FDFT1: variants seen among roughly 807,000 people sequenced by gnomAD.
FDFT1 encodes the protein squalene synthase.
In FDFT1, 68 loss-of-function variants were observed where a neutral mutation model predicts 46.8. The ratio of observed to expected loss-of-function variants is 1.45; its 90% confidence interval spans 1.19 to 1.78. FDFT1 has a LOEUF of 1.78. Ranked by LOEUF, FDFT1 falls within the 40% of genes most tolerant of loss-of-function variation. FDFT1 has a pLI of 0.00. For missense variants in FDFT1, 928 were observed against 524.4 expected (o/e 1.77, Z -7.52); for synonymous variants, 351 against 185.1 (o/e 1.90, Z -7.28).
chr8:11,821,909 A>G (rs1362416945), intron 4 of FDFT1, 31 bp downstream of exon 4: 2 of 1,608,202 alleles, frequency 1.2e-6, no homozygotes, highest in Admixed American at 1.7e-5. Context: ...TCTGTGTGTG[A>G]TGTATTAGAC....
chr8:11,817,330 C>CT (rs1223161971), intron 3 of FDFT1, among the ~76,000 whole-genome samples: 1 of 152,136 alleles, frequency 6.6e-6, no homozygotes, highest in Non-Finnish European at 1.5e-5. Context: ...CTAAAATTCT[C>CT]TTTTTTTATT....
At chr8:11,797,797 C>G (rs1409451080), upstream of FDFT1, 3 of 152,232 alleles carry the variant, frequency 2.0e-5, no homozygotes, top group Non-Finnish European at 4.4e-5. Flanking sequence ...GAGCAGGAAG[C>G]CTATTCCAGG....
rs753612840 is a variant in FDFT1, at chr8:11,808,922, G to C, written c.197+31G>C. 2.5e-6 allele frequency: 4 copies of C among 1,605,714 alleles called. No homozygotes were observed. In the African/African-American group the frequency reaches 5.3e-5, roughly 21 times the overall value. ...TGATGGAGGCAGCGCCTCTGGCTTG[G>C]AGGAAAGCTTGTCCGGGACCTTTGA... On this transcript the variant is annotated intron_variant, in intron 2 of 7. Coordinates refer to ENST00000220584, the MANE Select transcript of FDFT1 (RefSeq NM_004462.5).
intron 7 of FDFT1, among the ~76,000 whole-genome samples, chr8:11,837,743 A>G (rs908769062): frequency 6.6e-6 from 1 of 152,058 alleles, no homozygotes; most frequent in African/African-American, 2.4e-5. Flanking sequence ...TAGATTTGGG[A>G]ATTTAAGCTT....
At chr8:11,821,178 G>A (rs767981897) in intron 3 of FDFT1, among the ~76,000 whole-genome samples, 1 of 152,196 alleles carries the variant, frequency 6.6e-6, no homozygotes, top group Non-Finnish European at 1.5e-5. Flanking sequence ...TTATGTTGAA[G>A]CATCTCATTA....
At chr8:11,813,942 C>T (rs1049315292) in intron 3 of FDFT1, among the ~76,000 whole-genome samples, 9 of 152,328 alleles carry the variant, frequency 5.9e-5, no homozygotes, top group South Asian at 2.1e-4. Context: ...TGGACCCCTT[C>T]ATTGTCACTT....
chr8:11,800,467 C>T (rs1806006849), upstream of FDFT1, among the ~76,000 whole-genome samples: 1 of 151,912 alleles, frequency 6.6e-6, no homozygotes, highest in African/African-American at 2.4e-5. Flanking sequence ...CGGTGCCTCA[C>T]GTTCTGTATT....
At chr8:11,801,982 C>G, upstream of FDFT1, 1 of 455,922 alleles carries the variant, frequency 2.2e-6, no homozygotes, top group Non-Finnish European at 4.4e-6. Flanking sequence ...AGCCACCACG[C>G]CTGGACGGGT....
chr8:11,803,255 G>C (rs2280922), intron 1 of FDFT1: 244,553 of 1,358,208 alleles, frequency 0.18, 23,572 homozygotes, highest in East Asian at 0.46. Flanking sequence ...ACACATCTGA[G>C]GCAATGTGGG....
At chr8:11,808,677 G>T in intron 1 of FDFT1, 117 bp from the exon 2 acceptor site, 1 of 1,482,152 alleles carries the variant, frequency 6.7e-7, no homozygotes, top group Non-Finnish European at 9.0e-7. Flanking sequence ...GCCTCGGGGA[G>T]AGGGCGGCAG....
intron 3 of FDFT1, among the ~76,000 whole-genome samples, chr8:11,817,308 A>G (rs1808592608): frequency 6.6e-6 from 1 of 152,248 alleles, no homozygotes; most frequent in South Asian, 2.1e-4. Context: ...AACGTTCATC[A>G]GGGATATTGG....
At chr8:11,816,864 T>G (rs1458093044) in intron 3 of FDFT1, among the ~76,000 whole-genome samples, 1 of 152,220 alleles carries the variant, frequency 6.6e-6, no homozygotes, top group Non-Finnish European at 1.5e-5. Flanking sequence ...TTTATTTCTT[T>G]CTCTTGCCTG....
intron 7 of FDFT1, among the ~76,000 whole-genome samples, chr8:11,835,151 T>C (rs1342683794): frequency 6.6e-6 from 1 of 152,202 alleles, no homozygotes; most frequent in Non-Finnish European, 1.5e-5. Context: ...TGGCTTCAAC[T>C]TTATGCCGGG....
rs187598039 is a variant in FDFT1, at chr8:11,805,141, T to A, written c.99+2210T>A. On this transcript the variant is annotated intron_variant, in intron 1 of 7. Transcript: ENST00000220584. ...TGCATTGCCCAGGCTGGTCTTGAAC[T>A]CCTGAGCTCAAGCGATTTTCCCACC... is the stretch of plus-strand genomic sequence containing the variant. Among the ~76,000 whole-genome samples the A allele has an allele frequency of 6.3e-4, 95 of 151,704 alleles. No individual in the cohort carries two copies. The South Asian group carries it at 0.013, about 21-fold the overall frequency.
chr8:11,821,785 C>G lies in FDFT1; in HGVS notation c.417C>G (p.Tyr139Ter). ...SLEFRNLAEK[Y>*]QTVIADICRR... Reference sequence around the variant, plus strand: ...AGTTTAGAAATCTGGCTGAGAAATACCAAACAGTGATTGCCGACATTTGCC... The same window carrying G: ...AGTTTAGAAATCTGGCTGAGAAATAGCAAACAGTGATTGCCGACATTTGCC... The change falls in exon 4 of 8, where the codon TAC (tyrosine) becomes TAG (stop). Residue 139 changes from tyrosine (Y) to a stop codon, truncating the protein, a stop_gained. Coordinates refer to ENST00000220584, the MANE Select transcript of FDFT1 (RefSeq NM_004462.5). LOFTEE classifies it high-confidence loss of function. The G allele has an allele frequency of 6.2e-7, 1 of 1,613,512 alleles. No homozygotes were observed. Among genetic ancestry groups the G allele is most frequent in the Non-Finnish European group, 8.5e-7 (1 of 1,179,592 alleles).
chr8:11,835,493 T>C (rs903825246), intron 7 of FDFT1, among the ~76,000 whole-genome samples: 3 of 152,200 alleles, frequency 2.0e-5, no homozygotes, highest in African/African-American at 7.2e-5. Context: ...CAACCAAGAT[T>C]TCTCTTAATT....
chr8:11,836,420 C>T (rs975316524), intron 7 of FDFT1, among the ~76,000 whole-genome samples: 2 of 152,256 alleles, frequency 1.3e-5, no homozygotes, highest in Non-Finnish European at 2.9e-5. Context: ...TTCTGACGAG[C>T]TGCAGGAACT....
At chr8:11,835,494 T>C (rs138820370) in intron 7 of FDFT1, among the ~76,000 whole-genome samples, 23 of 152,284 alleles carry the variant, frequency 1.5e-4, no homozygotes, top group African/African-American at 5.5e-4. Context: ...AACCAAGATT[T>C]CTCTTAATTT....
At position 11,825,955 on chromosome 8, in the gene FDFT1, A is replaced by C. The variant is rs1022247328; in HGVS notation, c.511-69A>C. 7.2e-6 allele frequency: 8 copies of C among 1,105,282 alleles called. No homozygotes were observed. The Admixed American group carries it at 1.4e-4, about 19-fold the overall frequency. 68.5% of individuals were successfully genotyped at this position (1,105,282 alleles called of 1,614,324 possible). A position where few individuals can be genotyped will look rare whatever the true frequency, so the allele number is the denominator to read the frequency against. ...TTTTGAACCTGCTTTTTTGTAGCTA[A>C]TGATCTCTAGTGTGTCCATTTCAGT... On this transcript the variant is annotated intron_variant, in intron 4 of 7. Coordinates refer to ENST00000220584, the MANE Select transcript of FDFT1 (RefSeq NM_004462.5).
Sources: gnomAD v4.1 joint callset for allele counts (sites outside exome capture counted in the v4.1 genomes callset) on GRCh38, gnomAD v4.1.1 for gene constraint, MANE v1.5 for transcripts, NCBI Gene and HGNC (gene_info 2026-07-23, HGNC 2026-07-21) for gene names.